The following LRBA variants were observed in gnomAD, a reference collection of about 807,000 sequenced individuals.
LRBA encodes lipopolysaccharide-responsive and beige-like anchor protein.
LRBA carries 176 observed loss-of-function variants against 330.0 expected under a neutral mutation model. That is an observed-to-expected ratio of 0.53 (90% CI 0.47 to 0.60). The LOEUF (loss-of-function observed/expected upper bound fraction) is 0.60, where lower values mean the gene tolerates loss of function less well. LRBA is among the 20% of genes least tolerant of loss of function. The pLI, the probability that LRBA is intolerant of heterozygous loss-of-function variation, is 0.00. For missense variants in LRBA, 3,259 were observed against 3,444.8 expected, an observed-to-expected ratio of 0.95 and a Z score of 1.35; for synonymous variants, 1,230 against 1,193.0, an observed-to-expected ratio of 1.03 and a Z score of -0.64.
intron 37 of LRBA, among the ~76,000 whole-genome samples, chr4:150,600,987 G>GA (rs975493257): frequency 6.6e-6 from 1 of 152,178 alleles, no homozygotes; most frequent in African/African-American, 2.4e-5. Flanking sequence ...GCCTTCAGGG[G>GA]AATGATACAA....
Position 150,812,728 on chromosome 4 carries a change from T to C in LRBA, c.5306-4330A>G, listed in dbSNP as rs146237109. 7.7e-3 allele frequency among the ~76,000 whole-genome samples: 1,178 copies of C among 152,304 alleles called. 13 individuals carry two copies. The highest frequency in any genetic ancestry group is 0.027 in the African/African-American group (1,123 of 41,562). On this transcript the variant is annotated intron_variant, in intron 31 of 56. Coordinates refer to ENST00000651943, the MANE Select transcript of LRBA (RefSeq NM_001364905.1). ...GCTCTGATAAACAGATACTGTCTAA[T>C]ATTCTAGTAAGTGGTAGAATTACTA...
At chr4:150,726,765 G>C (rs571274248) in intron 36 of LRBA, among the ~76,000 whole-genome samples, 1 of 152,076 alleles carries the variant, frequency 6.6e-6, no homozygotes, top group South Asian at 2.1e-4. Context: ...TGACACATGG[G>C]GATCATAGGT....
intron 40 of LRBA, among the ~76,000 whole-genome samples, chr4:150,497,621 T>C (rs1199975312): frequency 6.6e-6 from 1 of 152,200 alleles, no homozygotes; most frequent in African/African-American, 2.4e-5. Context: ...ACAAATTCAA[T>C]TAAACATATT....
intron 37 of LRBA, among the ~76,000 whole-genome samples, chr4:150,615,377 G>C (rs1191206967): frequency 6.6e-6 from 1 of 152,208 alleles, no homozygotes; most frequent in Non-Finnish European, 1.5e-5. Flanking sequence ...GCCTGGCTGT[G>C]AGTGGAAAGA....
chr4:150,445,373 C>CTATA (rs1752471292), intron 44 of LRBA, among the ~76,000 whole-genome samples: 4 of 83,980 alleles, frequency 4.8e-5, no homozygotes, highest in East Asian at 3.3e-4. Flanking sequence ...CTCTCTCTCT[C>CTATA]TCTCTATATA....
chr4:150,953,903 G>A (rs549386987), intron 2 of LRBA, among the ~76,000 whole-genome samples: 196 of 150,586 alleles, frequency 1.3e-3, no homozygotes, highest in African/African-American at 4.2e-3. Flanking sequence ...CCGTCATCCC[G>A]TCTAGGAAGT....
chr4:150,569,735 A>C (rs1769608658), intron 40 of LRBA, among the ~76,000 whole-genome samples: 1 of 152,144 alleles, frequency 6.6e-6, no homozygotes, highest in Non-Finnish European at 1.5e-5. Context: ...CTTCACATTT[A>C]ATAGTGAGGG....
intron 44 of LRBA, among the ~76,000 whole-genome samples, chr4:150,461,561 A>G (rs1754779988): frequency 6.6e-6 from 1 of 151,732 alleles, no homozygotes; most frequent in Admixed American, 6.6e-5. Flanking sequence ...CAATAATGTT[A>G]CCTACTTAAA....
chr4:150,343,019 A>G (rs1735793015), intron 48 of LRBA, among the ~76,000 whole-genome samples: 1 of 149,416 alleles, frequency 6.7e-6, no homozygotes, highest in South Asian at 2.2e-4. Context: ...TAGAGAAACA[A>G]GATTCTGAAG....
At position 150,445,344 on chromosome 4, in the gene LRBA, C is replaced by CCTCTCT. The variant is rs1317931739; in HGVS notation, c.6781-8486_6781-8481dup. Among the ~76,000 whole-genome samples the CCTCTCT allele has an allele frequency of 4.6e-3, 269 of 59,008 alleles. 1 individual carries two copies. Among genetic ancestry groups the CCTCTCT allele is most frequent in the Middle Eastern group, 0.016 (1 of 64 alleles). The allele number at this position is 59,008 out of a possible 152,430, so 38.7% of individuals were successfully genotyped here. On this transcript the variant is annotated intron_variant, in intron 44 of 56. Coordinates refer to ENST00000651943, the MANE Select transcript of LRBA (RefSeq NM_001364905.1). ...TAAAACTGGTTTTAATTTCGGAAAACCTCTCTCTCTCTCTCTCTCTCTCTC... is the reference window on the plus strand; with the variant it reads ...TAAAACTGGTTTTAATTTCGGAAAACCTCTCTCTCTCTCTCTCTCTCTCTCTCTCTC...
At chr4:150,912,424 C>T (rs976302067) in intron 9 of LRBA, among the ~76,000 whole-genome samples, 15 of 152,232 alleles carry the variant, frequency 9.9e-5, no homozygotes, top group Non-Finnish European at 1.8e-4. Context: ...TAATCTGTCA[C>T]TGTCTCCCAT....
intron 37 of LRBA, among the ~76,000 whole-genome samples, chr4:150,636,294 T>G (rs1288752837): frequency 1.3e-5 from 2 of 152,046 alleles, no homozygotes; most frequent in Admixed American, 1.3e-4. Context: ...TTATTTATAT[T>G]AGTATGATCT....
intron 37 of LRBA, among the ~76,000 whole-genome samples, chr4:150,606,193 T>C (rs990524462): frequency 4.6e-5 from 7 of 152,170 alleles, no homozygotes; most frequent in Admixed American, 3.9e-4. Flanking sequence ...TGTTAGCCAG[T>C]TGACCATTTC....
intron 35 of LRBA, among the ~76,000 whole-genome samples, chr4:150,760,889 A>G (rs1734974582): frequency 6.6e-6 from 1 of 152,202 alleles, no homozygotes; most frequent in African/African-American, 2.4e-5. Context: ...AAAATCAAAT[A>G]AAGTTACGAA....
intron 46 of LRBA, among the ~76,000 whole-genome samples, chr4:150,419,321 C>G (rs970039042): frequency 1.3e-4 from 20 of 152,126 alleles, no homozygotes; most frequent in African/African-American, 4.6e-4. Context: ...GTATAATCAT[C>G]AGAGCTGCCT....
chr4:150,620,112 A>T (rs1449989697), intron 37 of LRBA, among the ~76,000 whole-genome samples: 5 of 152,198 alleles, frequency 3.3e-5, no homozygotes, highest in Non-Finnish European at 7.4e-5. Context: ...ATGGATCAAA[A>T]ATTACATCAG....
At chr4:150,590,938 G>A in intron 38 of LRBA, 79 bp from the exon 39 acceptor site, 1 of 1,353,238 alleles carries the variant, frequency 7.4e-7, no homozygotes, top group Non-Finnish European at 1.0e-6. Flanking sequence ...TTAGGTAAGG[G>A]TAGGTGGCCA....
chr4:150,734,812 G>C (rs919924153), intron 36 of LRBA, among the ~76,000 whole-genome samples: 6 of 152,130 alleles, frequency 3.9e-5, no homozygotes. Context: ...ATACTGTTAC[G>C]CTCTCAAACC....
intron 22 of LRBA, among the ~76,000 whole-genome samples, chr4:150,861,605 A>C (rs919057220): frequency 3.3e-5 from 5 of 152,234 alleles, no homozygotes; most frequent in Non-Finnish European, 7.3e-5. Flanking sequence ...AGTGGTGAGT[A>C]AATGTGCAGG....
Sources: gnomAD v4.1 joint callset for allele counts (sites outside exome capture counted in the v4.1 genomes callset) on GRCh38, gnomAD v4.1.1 for gene constraint, MANE v1.5 for transcripts, NCBI Gene and HGNC (gene_info 2026-07-23, HGNC 2026-07-21) for gene names.